OR7G2: variants seen among roughly 807,000 people sequenced by gnomAD.
OR7G2 encodes the protein olfactory receptor family 7 subfamily G member 2.
For missense variants in OR7G2, 362 were observed against 384.0 expected (o/e 0.94, Z 0.48); for synonymous variants, 153 against 152.2 (o/e 1.01, Z -0.04).
rs930390025 is a variant in OR7G2 at position 9,100,588 on chromosome 19, A to G, written c.*1681T>C. 2.6e-5 allele frequency: 4 copies of G among 152,304 alleles called. No individual in the cohort carries two copies. The highest frequency in any genetic ancestry group is 2.0e-4 in the Admixed American group (3 of 15,282). The allele number at this position is 152,304 out of a possible 1,614,324, so 9.4% of individuals were successfully genotyped here. ...AAGGTATCCTCACTTATGAAGTTCAAATATCTCACAATAATCTCAAATCAC... is the reference window on the plus strand; with the variant it reads ...AAGGTATCCTCACTTATGAAGTTCAGATATCTCACAATAATCTCAAATCAC... On this transcript the variant is annotated 3_prime_UTR_variant, in exon 2 of 2. Coordinates refer to ENST00000641081, the MANE Select transcript of OR7G2 (RefSeq NM_001005193.2).
Position 9,103,245 on chromosome 19 carries a change from C to T in OR7G2, c.-2G>A. ...AGCTGTTTGGTTTCTCGCTTCCATGCTGTTGATGATGAATCTGATGGAAAA... is the reference window on the plus strand; with the variant it reads ...AGCTGTTTGGTTTCTCGCTTCCATGTTGTTGATGATGAATCTGATGGAAAA... On this transcript the variant is annotated 5_prime_UTR_variant, in exon 2 of 2. Coordinates refer to ENST00000641081, the MANE Select transcript of OR7G2 (RefSeq NM_001005193.2). The T allele has an allele frequency of 1.9e-6, 3 of 1,613,986 alleles. No homozygotes were observed. The highest frequency in any genetic ancestry group is 2.5e-6 in the Non-Finnish European group (3 of 1,179,950).
Position 9,103,362 on chromosome 19 carries a change from T to G in OR7G2, c.-16-103A>C, listed in dbSNP as rs564789109. 15 of 1,097,720 alleles carry G rather than the reference T, an allele frequency of 1.4e-5. No homozygotes were observed. In the African/African-American group the frequency reaches 2.3e-4, roughly 17 times the overall value. The allele number at this position is 1,097,720 out of a possible 1,614,324, so 68.0% of individuals were successfully genotyped here. On this transcript the variant is annotated intron_variant, in intron 1 of 1. Coordinates refer to ENST00000641081, the MANE Select transcript of OR7G2 (RefSeq NM_001005193.2). ...TTGCTCCCCTCCCCAGACTTCTTGC[T>G]GATAAACTCTGGGGATGAGAACCGA... is the stretch of plus-strand genomic sequence containing the variant.
At chr19:9,104,306 T>C (rs2050373902) in intron 1 of OR7G2, among the ~76,000 whole-genome samples, 1 of 152,178 alleles carries the variant, frequency 6.6e-6, no homozygotes, top group Admixed American at 6.6e-5. Context: ...GGGATTCTTA[T>C]CAGCATAGAG....
intron 1 of OR7G2, among the ~76,000 whole-genome samples, chr19:9,105,645 G>A (rs1042847498): frequency 3.3e-5 from 5 of 151,888 alleles, no homozygotes; most frequent in African/African-American, 9.7e-5. Flanking sequence ...TCAGGAGTTC[G>A]AGACCAGCCT....
intron 1 of OR7G2, among the ~76,000 whole-genome samples, chr19:9,103,648 G>T (rs2050368909): frequency 6.6e-6 from 1 of 150,780 alleles, no homozygotes; most frequent in Admixed American, 6.7e-5. Context: ...TGTGGTTACA[G>T]GTGCACACCA....
At chr19:9,104,361 C>T (rs769363273) in intron 1 of OR7G2, among the ~76,000 whole-genome samples, 34 of 152,122 alleles carry the variant, frequency 2.2e-4, no homozygotes, top group Non-Finnish European at 1.5e-4. Flanking sequence ...AGTTAGCATG[C>T]TAAATATTAC....
chr19:9,105,552 T>TA (rs1204948118), intron 1 of OR7G2, among the ~76,000 whole-genome samples: 1 of 152,116 alleles, frequency 6.6e-6, no homozygotes, highest in African/African-American at 2.4e-5. Context: ...TGCTTTATGT[T>TA]AAAAACCCTC....
chr19:9,103,278 A>C lies in OR7G2; in HGVS notation c.-16-19T>G. On this transcript the variant is annotated intron_variant, in intron 1 of 1. Coordinates refer to ENST00000641081, the MANE Select transcript of OR7G2 (RefSeq NM_001005193.2). ...GATGAATCTGATGGAAAAGATAATA[A>C]AATCTGTAAGCAGCAGCTGCATCGG... The C allele has an allele frequency of 6.2e-7, 1 of 1,613,530 alleles. No individual in the cohort carries two copies. The highest frequency in any genetic ancestry group is 8.5e-7 in the Non-Finnish European group (1 of 1,179,712).
Position 9,102,512 on chromosome 19 carries a change from G to A in OR7G2, c.732C>T (p.His244=). The change falls in exon 2 of 2, where the codon CAC becomes CAT. Residue 244 remains histidine (H), a synonymous_variant. Transcript: ENST00000641081. ...KHKAVSTCGS[H]LSIVLLFYGA... is the part of the protein sequence containing the mutation. The stretch of plus-strand genomic sequence containing the variant: ...CATAGAACAAGAGAACAATGGAGAG[G>A]TGAGACCCACAGGTGGAAACTGCTT... The A allele has an allele frequency of 6.2e-7, 1 of 1,614,182 alleles. No individual in the cohort carries two copies. Among genetic ancestry groups the A allele is most frequent in the Non-Finnish European group, 8.5e-7 (1 of 1,180,038 alleles).
rs763460334 is a variant in OR7G2, at chr19:9,103,258, A to G, written c.-15T>C. ...CTCGCTTCCATGCTGTTGATGATGA[A>G]TCTGATGGAAAAGATAATAAAATCT... On this transcript the variant is annotated splice_region_variant and 5_prime_UTR_variant, in exon 2 of 2. Coordinates refer to ENST00000641081, the MANE Select transcript of OR7G2 (RefSeq NM_001005193.2). The G allele has an allele frequency of 3.7e-6, 6 of 1,613,878 alleles. No individual in the cohort carries two copies. The highest frequency in any genetic ancestry group is 5.1e-6 in the Non-Finnish European group (6 of 1,179,980).
rs758744135 is a variant in OR7G2, at chr19:9,103,037, C to T, written c.207G>A (p.Leu69=). ...TCGTGGTTGTGCTTAAACAAATGTC[C>T]AAAAAGGAGAGATTGGAGAGGAAGA... ...MYFFLSNLSF[L]DICLSTTTIP... The change falls in exon 2 of 2, where the codon TTG becomes TTA. Residue 69 remains leucine (L), a synonymous_variant. Coordinates refer to ENST00000641081, the MANE Select transcript of OR7G2 (RefSeq NM_001005193.2). The T allele has an allele frequency of 5.0e-6, 8 of 1,613,924 alleles. No homozygotes were observed. The South Asian group carries it at 6.6e-5, about 13-fold the overall frequency.
chr19:9,103,501 C>CTTTTTT (rs201971532), intron 1 of OR7G2, among the ~76,000 whole-genome samples: 2 of 119,076 alleles, frequency 1.7e-5, no homozygotes, highest in African/African-American at 7.1e-5. Flanking sequence ...ATGTGGAAAT[C>CTTTTTT]TTTTTTTTTT....
In OR7G2 at chr19:9,102,286, A is replaced by T; in HGVS notation, c.958T>A (p.Phe320Ile). ...SLLWCAICFG[F>I]RFLE is the part of the protein sequence containing the mutation. Reference sequence around the variant, plus strand: ...ACTTTGACTTACTCTAGAAACCTGAATCCAAAGCAAATGGCACACCACAGA... The same window carrying T: ...ACTTTGACTTACTCTAGAAACCTGATTCCAAAGCAAATGGCACACCACAGA... Residue 320 changes from phenylalanine to isoleucine, a missense_variant, in exon 2 of 2, where the codon TTC becomes ATC. By Grantham distance (21) the Phe-to-Ile change is conservative. Coordinates refer to ENST00000641081, the MANE Select transcript of OR7G2 (RefSeq NM_001005193.2). The T allele has an allele frequency of 6.2e-7, 1 of 1,604,068 alleles. No individual in the cohort carries two copies. The highest frequency in any genetic ancestry group is 2.2e-5 in the East Asian group (1 of 44,772).
intron 1 of OR7G2, among the ~76,000 whole-genome samples, chr19:9,103,941 C>A (rs2050371218): frequency 6.7e-6 from 1 of 148,298 alleles, no homozygotes; most frequent in African/African-American, 2.5e-5. Flanking sequence ...GTGATCTTAG[C>A]TCACTGCAAG....
chr19:9,104,599 G>A (rs971173049), intron 1 of OR7G2, among the ~76,000 whole-genome samples: 1 of 151,660 alleles, frequency 6.6e-6, no homozygotes, highest in Non-Finnish European at 1.5e-5. Flanking sequence ...AGGCCGAGGC[G>A]GGCAGATCAC....
chr19:9,105,044 C>G (rs1455600694), intron 1 of OR7G2, among the ~76,000 whole-genome samples: 1 of 151,712 alleles, frequency 6.6e-6, no homozygotes, highest in Non-Finnish European at 1.5e-5. Context: ...GATCTCGGCT[C>G]CCTGCAACCT....
intron 1 of OR7G2, among the ~76,000 whole-genome samples, chr19:9,105,102 C>T (rs964381608): frequency 1.3e-5 from 2 of 151,894 alleles, no homozygotes; most frequent in Non-Finnish European, 2.9e-5. Context: ...TCCAAAGTAG[C>T]TGGGATTACA....
intron 1 of OR7G2, among the ~76,000 whole-genome samples, chr19:9,105,115 C>T (rs1395697822): frequency 6.6e-6 from 1 of 151,750 alleles, no homozygotes; most frequent in African/African-American, 2.4e-5. Flanking sequence ...GGATTACAGG[C>T]GCCAGCCACC....
At position 9,100,973 on chromosome 19, in the gene OR7G2, A is replaced by G. The variant is rs1006081302; in HGVS notation, c.*1296T>C. 2.0e-5 allele frequency: 3 copies of G among 152,094 alleles called. No individual in the cohort carries two copies. The highest frequency in any genetic ancestry group is 4.4e-5 in the Non-Finnish European group (3 of 68,056). The allele number at this position is 152,094 out of a possible 1,614,324, so 9.4% of individuals were successfully genotyped here. Reference sequence around the variant, plus strand: ...GGCAACATAGCCAGAGTCCATCTCTACACCACACCCCACACTGGACGTGGT... The same window carrying G: ...GGCAACATAGCCAGAGTCCATCTCTGCACCACACCCCACACTGGACGTGGT... On this transcript the variant is annotated 3_prime_UTR_variant, in exon 2 of 2. Coordinates refer to ENST00000641081, the MANE Select transcript of OR7G2 (RefSeq NM_001005193.2).
Sources: allele counts gnomAD v4.1 joint callset (sites outside exome capture counted in the v4.1 genomes callset), GRCh38; gene constraint gnomAD v4.1.1; transcripts MANE v1.5; gene names NCBI Gene and HGNC (gene_info 2026-07-23, HGNC 2026-07-21).